The following CEP164 variants were observed in gnomAD, a reference collection of about 807,000 sequenced individuals.
CEP164 encodes the protein centrosomal protein of 164 kDa.
A neutral mutation model predicts 182.7 loss-of-function variants in CEP164; 162 were observed. The ratio of observed to expected loss-of-function variants is 0.89; its 90% CI spans 0.78 to 1.01. CEP164 has a LOEUF of 1.01. CEP164 is among the 50% of genes least tolerant of loss of function. The pLI is 0.00. For synonymous variants in CEP164, 661 were observed against 690.0 expected (o/e 0.96, Z 0.66); for missense variants, 1,735 against 1,790.4 (o/e 0.97, Z 0.56).
chr11:117,344,307 T>C, intron 4 of CEP164, 30 bp downstream of exon 4: 1 of 1,499,602 alleles, frequency 6.7e-7, no homozygotes, highest in African/African-American at 1.4e-5. Context: ...GGCCACTGAC[T>C]TGGCCTAGCA....
chr11:117,362,594 T>C, intron 7 of CEP164, 56 bp downstream of exon 7: 1 of 1,550,624 alleles, frequency 6.4e-7, no homozygotes. Flanking sequence ...ATTTTTTCCT[T>C]TTGAAAATGT....
At position 117,404,022 on chromosome 11, in the gene CEP164, C is replaced by T. The variant is rs571422512; in HGVS notation, c.3502-3903C>T. Among the ~76,000 whole-genome samples the T allele has an allele frequency of 2.0e-4, 30 of 152,126 alleles. No individual in the cohort carries two copies. The South Asian group carries it at 5.8e-3, about 29-fold the overall frequency. ...TCCATCAGGTCATTTATGTTCTTCT[C>T]TAAACTGGTTATTCTAGTTAGCAAT... is the stretch of plus-strand genomic sequence containing the variant. On this transcript the variant is annotated intron_variant, in intron 27 of 32. Coordinates refer to ENST00000278935, the MANE Select transcript of CEP164 (RefSeq NM_014956.5).
intron 11 of CEP164, among the ~76,000 whole-genome samples, chr11:117,377,936 T>G (rs2042923122): frequency 6.6e-6 from 1 of 152,140 alleles, no homozygotes. Context: ...CTTGGCTCAC[T>G]GCAACCTCCA....
At chr11:117,392,021 C>T (rs1056428718) in intron 17 of CEP164, among the ~76,000 whole-genome samples, 1 of 152,226 alleles carries the variant, frequency 6.6e-6, no homozygotes, top group African/African-American at 2.4e-5. Context: ...TGCCCCTCTC[C>T]TCTGACCTTC....
At chr11:117,323,400 T>C (rs1364859179), upstream of CEP164, among the ~76,000 whole-genome samples, 1 of 152,138 alleles carries the variant, frequency 6.6e-6, no homozygotes, top group African/African-American at 2.4e-5. Context: ...TCCAGGTTCA[T>C]TCATGTTGTT....
intron 27 of CEP164, among the ~76,000 whole-genome samples, chr11:117,407,457 C>CAAAAAAAAAAAAAAAAAAAAAAGAA (rs2046823833): frequency 1.4e-5 from 1 of 69,030 alleles, no homozygotes; most frequent in African/African-American, 5.2e-5. Flanking sequence ...TCTGTCTCTA[C>CAAAAAAAAAAAAAAAAAAAAAAGAA]AAAAAAAAAA....
intron 4 of CEP164, among the ~76,000 whole-genome samples, chr11:117,347,456 A>G (rs995589132): frequency 6.6e-6 from 1 of 151,990 alleles, no homozygotes; most frequent in Admixed American, 6.6e-5. Context: ...CATGCCTGGA[A>G]TCCCAGCACT....
chr11:117,337,533 T>C (rs1302971962), intron 2 of CEP164, among the ~76,000 whole-genome samples: 1 of 116,680 alleles, frequency 8.6e-6, no homozygotes, highest in African/African-American at 3.3e-5. Context: ...AAGTAAAATA[T>C]ATACATATGT....
intron 5 of CEP164, among the ~76,000 whole-genome samples, chr11:117,359,252 G>A (rs1315448001): frequency 6.6e-6 from 1 of 152,174 alleles, no homozygotes; most frequent in Non-Finnish European, 1.5e-5. Context: ...CCTGGGCAGG[G>A]TTCTTGACCT....
intron 5 of CEP164, chr11:117,356,234 G>A: frequency 9.1e-7 from 1 of 1,099,960 alleles, no homozygotes; most frequent in Non-Finnish European, 1.1e-6. Context: ...CTACTCTGAG[G>A]ACCAGAGGTT....
In CEP164 at chr11:117,352,110, A is replaced by G. The variant is rs1210940475; in HGVS notation, c.393+122A>G. 13 of 798,726 alleles carry G rather than the reference A, an allele frequency of 1.6e-5. No homozygotes were observed. In the East Asian group the frequency reaches 3.2e-4, roughly 20 times the overall value. 49.5% of individuals were successfully genotyped at this position (798,726 alleles called of 1,614,324 possible). A position where few individuals can be genotyped will look rare whatever the true frequency, so the allele number is the denominator to read the frequency against. Reference sequence around the variant, plus strand: ...ACAGTCAGAATATGGTAAATTCTTGATAGTATATCATCTAAACTTTGCCTG... The same window carrying G: ...ACAGTCAGAATATGGTAAATTCTTGGTAGTATATCATCTAAACTTTGCCTG... On this transcript the variant is annotated intron_variant, in intron 5 of 32. Transcript: ENST00000278935.
In CEP164 at chr11:117,347,078, C is replaced by G. The variant is rs945470774; in HGVS notation, c.194+2801C>G. On this transcript the variant is annotated intron_variant, in intron 4 of 32. Coordinates refer to ENST00000278935, the MANE Select transcript of CEP164 (RefSeq NM_014956.5). ...TATTATATACACTGTTCTTCTTTGT[C>G]TGTTTGTGTAGGCCTACTCATTCTT... Among the ~76,000 whole-genome samples, 54 of 152,088 alleles carry G rather than the reference C, an allele frequency of 3.6e-4. 1 individual carries two copies. Among genetic ancestry groups the G allele is most frequent in the African/African-American group, 1.3e-3 (54 of 41,406 alleles).
intron 1 of CEP164, among the ~76,000 whole-genome samples, chr11:117,331,955 A>G (rs1439173866): frequency 6.7e-6 from 1 of 148,610 alleles, no homozygotes; most frequent in African/African-American, 2.5e-5. Context: ...AGCTGGGACC[A>G]CAGGTGCACG....
chr11:117,336,738 C>T, intron 2 of CEP164: 1 of 656,900 alleles, frequency 1.5e-6, no homozygotes. Flanking sequence ...AGGGCCGTTT[C>T]ATCCTTGCTG....
intron 1 of CEP164, among the ~76,000 whole-genome samples, chr11:117,329,731 G>C (rs1046720069): frequency 2.0e-5 from 3 of 151,938 alleles, no homozygotes; most frequent in African/African-American, 7.3e-5. Context: ...TGGTAGAGAC[G>C]GGGTTTCACC....
chr11:117,376,248 GTCCTGGAGGTTCACCTCTGACACC>G (rs376874474), intron 11 of CEP164, among the ~76,000 whole-genome samples: 253 of 152,216 alleles, frequency 1.7e-3, no homozygotes, highest in African/African-American at 5.1e-3. Flanking sequence ...CTCTTTTTTG[GTCCTGGAGGTTCACCTCTGACACC>G]TCCTCCTCAA....
intron 5 of CEP164, among the ~76,000 whole-genome samples, chr11:117,361,233 CTTTTTTTTTTTTT>C (rs71469129): frequency 1.1e-4 from 10 of 90,196 alleles, no homozygotes; most frequent in East Asian, 3.4e-4. Flanking sequence ...CTGCGCCTGG[CTTTTTTTTTTTTT>C]TTTTTTTTTT....
At chr11:117,326,142 C>T (rs560716641), upstream of CEP164, among the ~76,000 whole-genome samples, 1 of 152,224 alleles carries the variant, frequency 6.6e-6, no homozygotes, top group South Asian at 2.1e-4. Flanking sequence ...AACTCCTGAC[C>T]TCAGGTGATC....
At chr11:117,340,515 G>A (rs2037943119) in intron 3 of CEP164, among the ~76,000 whole-genome samples, 1 of 152,080 alleles carries the variant, frequency 6.6e-6, no homozygotes, top group African/African-American at 2.4e-5. Flanking sequence ...TTTGCTTATA[G>A]CATAGGGTGT....
Sources: gnomAD v4.1 joint callset for allele counts (sites outside exome capture counted in the v4.1 genomes callset) on GRCh38, gnomAD v4.1.1 for gene constraint, MANE v1.5 for transcripts, NCBI Gene and HGNC (gene_info 2026-07-23, HGNC 2026-07-21) for gene names.